The following PIBF1 variants were observed in gnomAD, a reference collection of about 807,000 sequenced individuals.
PIBF1 encodes the protein progesterone immunomodulatory binding factor 1, also known as progesterone-induced-blocking factor 1.
A neutral mutation model predicts 112.5 loss-of-function variants in PIBF1; 90 were observed. That is an observed-to-expected ratio of 0.80 (90% CI 0.67 to 0.95). The LOEUF (loss-of-function observed/expected upper bound fraction) is 0.95, where lower values mean the gene tolerates loss of function less well. PIBF1 is among the 40% of genes least tolerant of loss of function. The probability of loss-of-function intolerance (pLI) is 0.00; values close to 1 mark genes in which losing one functional copy is unlikely to be tolerated. For missense variants in PIBF1, 915 were observed against 852.3 expected (o/e 1.07, Z -0.92); for synonymous variants, 301 against 288.6 (o/e 1.04, Z -0.44).
intron 10 of PIBF1, among the ~76,000 whole-genome samples, chr13:72,893,259 G>C (rs1222430027): frequency 6.6e-6 from 1 of 151,964 alleles, no homozygotes; most frequent in Non-Finnish European, 1.5e-5. Flanking sequence ...CCTACTTGTA[G>C]GTCTATATTT....
At chr13:72,917,282 A>C in intron 13 of PIBF1, 116 bp downstream of exon 13, 4 of 448,840 alleles carry the variant, frequency 8.9e-6, no homozygotes, top group Non-Finnish European at 1.2e-5. Context: ...ACTCTGCATA[A>C]ATATTAAATT....
intron 17 of PIBF1, among the ~76,000 whole-genome samples, chr13:73,012,519 G>A (rs889031998): frequency 4.7e-4 from 71 of 151,146 alleles, no homozygotes; most frequent in Middle Eastern, 3.4e-3. Context: ...CCAGGAGTTC[G>A]AGTTCCAGAC....
chr13:72,815,261 A>G (rs2138084414), intron 5 of PIBF1, among the ~76,000 whole-genome samples: 1 of 152,368 alleles, frequency 6.6e-6, no homozygotes, highest in Middle Eastern at 3.4e-3. Flanking sequence ...ATATTCCAGC[A>G]CAGAAAGAAT....
At chr13:72,892,059 G>A (rs866559663) in intron 10 of PIBF1, among the ~76,000 whole-genome samples, 5 of 151,970 alleles carry the variant, frequency 3.3e-5, no homozygotes, top group African/African-American at 1.2e-4. Flanking sequence ...TAATGAACAT[G>A]GGGACTTTGT....
chr13:72,849,349 C>T (rs192678954), intron 9 of PIBF1, among the ~76,000 whole-genome samples: 13 of 152,282 alleles, frequency 8.5e-5, no homozygotes, highest in African/African-American at 2.9e-4. Flanking sequence ...ACTTGAGCTT[C>T]GTTAGCTTGT....
At chr13:72,971,786 G>A (rs1450459105) in intron 15 of PIBF1, among the ~76,000 whole-genome samples, 1 of 152,038 alleles carries the variant, frequency 6.6e-6, no homozygotes, top group African/African-American at 2.4e-5. Context: ...GTCTGAGTCA[G>A]TGGCACAGTT....
chr13:72,787,195 T>C (rs892921084), intron 2 of PIBF1, among the ~76,000 whole-genome samples: 15 of 152,240 alleles, frequency 9.9e-5, no homozygotes, highest in African/African-American at 3.1e-4. Context: ...TTTTTTCACT[T>C]ATTTGTTTAT....
chr13:72,841,250 C>T (rs2037595825), intron 9 of PIBF1, among the ~76,000 whole-genome samples: 1 of 152,100 alleles, frequency 6.6e-6, no homozygotes, highest in Admixed American at 6.6e-5. Context: ...GTGAAAGGTA[C>T]TACAGTGCTG....
intron 13 of PIBF1, among the ~76,000 whole-genome samples, chr13:72,919,035 TTCTC>T (rs2041203364): frequency 6.6e-6 from 1 of 152,182 alleles, no homozygotes. Flanking sequence ...ATTTTTCACT[TTCTC>T]TATCTAACTC....
intron 10 of PIBF1, among the ~76,000 whole-genome samples, chr13:72,880,216 A>T (rs963059562): frequency 1.3e-5 from 2 of 152,226 alleles, no homozygotes; most frequent in African/African-American, 4.8e-5. Flanking sequence ...CTTGGTAAGG[A>T]TAAGATGTTA....
chr13:72,822,475 T>C (rs1257540177), intron 6 of PIBF1, among the ~76,000 whole-genome samples: 3 of 152,214 alleles, frequency 2.0e-5, no homozygotes, highest in Non-Finnish European at 4.4e-5. Flanking sequence ...AGCTGCTACT[T>C]AGCTGTATGT....
At position 72,832,071 on chromosome 13, in the gene PIBF1, C is replaced by CTTTTTTTTTTTTTTTTTTTTT. The variant is rs1491281184; in HGVS notation, c.1098-3172_1098-3171insTTTTTTTTTTTTTTTTTTTTT. On this transcript the variant is annotated intron_variant, in intron 8 of 17. Coordinates refer to ENST00000326291, the MANE Select transcript of PIBF1 (RefSeq NM_006346.4). ...TCAGAGATTAGAATTGCAATTCCGG[C>CTTTTTTTTTTTTTTTTTTTTT]CTTTTTTTTTTTTTTTTTTTTTTTT... Among the ~76,000 whole-genome samples the CTTTTTTTTTTTTTTTTTTTTT allele has an allele frequency of 5.0e-5, 3 of 59,492 alleles. 1 individual carries two copies. Among genetic ancestry groups the CTTTTTTTTTTTTTTTTTTTTT allele is most frequent in the Non-Finnish European group, 6.6e-5 (2 of 30,422 alleles). 39.0% of individuals were successfully genotyped at this position (59,492 alleles called of 152,430 possible).
chr13:72,867,220 A>G (rs2038965715), intron 10 of PIBF1, among the ~76,000 whole-genome samples: 1 of 152,070 alleles, frequency 6.6e-6, no homozygotes, highest in African/African-American at 2.4e-5. Flanking sequence ...TTCCCTGCAC[A>G]AGCTCTCTCT....
chr13:72,788,441 T>C (rs2034715893), intron 2 of PIBF1, among the ~76,000 whole-genome samples: 2 of 152,212 alleles, frequency 1.3e-5, no homozygotes, highest in East Asian at 1.9e-4. Context: ...ATAGGTATTT[T>C]AGTAGACCTC....
intron 5 of PIBF1, among the ~76,000 whole-genome samples, chr13:72,820,837 T>C (rs1359826322): frequency 6.6e-6 from 1 of 152,140 alleles, no homozygotes; most frequent in Non-Finnish European, 1.5e-5. Context: ...AGAAGGAAAA[T>C]AAGTAGGAAT....
intron 14 of PIBF1, among the ~76,000 whole-genome samples, chr13:72,938,699 C>G (rs1366915608): frequency 1.3e-5 from 2 of 152,122 alleles, no homozygotes; most frequent in East Asian, 3.9e-4. Flanking sequence ...AAGTGGAATT[C>G]AAGATGAAAT....
chr13:72,894,419 AT>A (rs567075894), intron 11 of PIBF1, among the ~76,000 whole-genome samples: 169 of 152,182 alleles, frequency 1.1e-3, no homozygotes, highest in Non-Finnish European at 1.9e-3. Context: ...AGAATAGTCA[AT>A]ATTTTTAAAA....
chr13:72,893,958 A>G lies in PIBF1; in HGVS notation c.1488+9A>G, dbSNP rs572770437. On this transcript the variant is annotated intron_variant, in intron 11 of 17. Coordinates refer to ENST00000326291, the MANE Select transcript of PIBF1 (RefSeq NM_006346.4). ...ATCAGAAAAAATTGGAGGTACATGT[A>G]CAAGCTTTTCTTTCAACATTAGCAT... is the stretch of plus-strand genomic sequence containing the variant. The G allele has an allele frequency of 1.9e-6, 3 of 1,552,320 alleles. No individual in the cohort carries two copies. The highest frequency in any genetic ancestry group is 1.4e-5 in the African/African-American group (1 of 72,144).
intron 5 of PIBF1, among the ~76,000 whole-genome samples, chr13:72,800,493 A>G (rs368957864): frequency 6.6e-6 from 1 of 152,358 alleles, no homozygotes; most frequent in East Asian, 1.9e-4. Flanking sequence ...CTTGATAACA[A>G]TGTGATGATC....
Sources: allele counts gnomAD v4.1 joint callset (sites outside exome capture counted in the v4.1 genomes callset), GRCh38; gene constraint gnomAD v4.1.1; transcripts MANE v1.5; gene names NCBI Gene and HGNC (gene_info 2026-07-23, HGNC 2026-07-21).